SLC9A4: variants seen among roughly 807,000 people sequenced by gnomAD.
The protein encoded by SLC9A4 is sodium/hydrogen exchanger 4.
In SLC9A4, 63 loss-of-function variants were observed where a neutral mutation model predicts 67.4. The ratio of observed to expected loss-of-function variants is 0.93; its 90% CI spans 0.76 to 1.15. The LOEUF (loss-of-function observed/expected upper bound fraction) is 1.15. SLC9A4 is among the 50% of genes most tolerant of loss of function. SLC9A4 has a pLI of 0.00. For missense variants in SLC9A4, 1,089 were observed against 987.7 expected (o/e 1.10, Z -1.38); for synonymous variants, 393 against 367.2 (o/e 1.07, Z -0.80).
Position 102,533,762 on chromosome 2 carries a change from G to C in SLC9A4, c.*1074G>C, listed in dbSNP as rs1391055187. On this transcript the variant is annotated 3_prime_UTR_variant, in exon 12 of 12. Coordinates refer to ENST00000295269, the MANE Select transcript of SLC9A4 (RefSeq NM_001011552.4). ...TGCGGTGTTTGGTTTTTTGTTCTTG[G>C]GATAGTTTACTGAGAATGATGATTT... The C allele has an allele frequency of 1.3e-5, 2 of 148,788 alleles. No individual in the cohort carries two copies. Among genetic ancestry groups the C allele is most frequent in the Non-Finnish European group, 1.5e-5 (1 of 67,338 alleles). The allele number at this position is 148,788 out of a possible 1,614,324, so 9.2% of individuals were successfully genotyped here. A position where few individuals can be genotyped will look rare whatever the true frequency, so the allele number is the denominator to read the frequency against.
At chr2:102,520,148 C>T (rs927347117) in intron 9 of SLC9A4, among the ~76,000 whole-genome samples, 193 bp downstream of exon 9, 1 of 152,112 alleles carries the variant, frequency 6.6e-6, no homozygotes, top group African/African-American at 2.4e-5. Flanking sequence ...AAAATTGGTA[C>T]CTGTGACATA....
rs779516633 is a variant in SLC9A4 at position 102,508,261 on chromosome 2, T to C, written c.1381T>C (p.Tyr461His). Reference sequence around the variant, plus strand: ...TGTCACTGCTACTCTAGTAGTTATATACTTTACTGTATTTATTCAGGTAAG... The same window carrying C: ...TGTCACTGCTACTCTAGTAGTTATACACTTTACTGTATTTATTCAGGTAAG... ...MFVTATLVVI[Y>H]FTVFIQGITV... The change falls in exon 5 of 12, where the codon TAC becomes CAC. Residue 461 changes from tyrosine (Y) to histidine (H), a missense_variant. By Grantham distance (83) the Tyr-to-His change is moderately conservative. Transcript: ENST00000295269. 6.2e-7 allele frequency: 1 copy of C among 1,613,168 alleles called. No homozygotes were observed. Among genetic ancestry groups the C allele is most frequent in the Non-Finnish European group, 8.5e-7 (1 of 1,179,300 alleles).
chr2:102,532,379 C>T lies in SLC9A4; in HGVS notation c.2088C>T (p.Cys696=), dbSNP rs372861340. The T allele has an allele frequency of 1.9e-6, 3 of 1,614,166 alleles. No individual in the cohort carries two copies. The highest frequency in any genetic ancestry group is 1.7e-6 in the Non-Finnish European group (2 of 1,180,026). Residue 696 remains cysteine, a synonymous_variant, in exon 12 of 12, where the codon TGC becomes TGT. Coordinates refer to ENST00000295269, the MANE Select transcript of SLC9A4 (RefSeq NM_001011552.4). ...CCCCATCCATCACGTTCAGCGCATG[C>T]TCTCGGATAGGGTCACTTCAGAAGC... The part of the protein sequence containing the change: ...PGSPSITFSA[C]SRIGSLQKQE...
chr2:102,508,740 C>T (rs778345142), intron 5 of SLC9A4, 107 bp from the exon 6 acceptor site: 33 of 830,446 alleles, frequency 4.0e-5, no homozygotes, highest in Non-Finnish European at 5.3e-5. Context: ...ATAGCTAGTA[C>T]AAAAACATAT....
chr2:102,508,734 C>T, intron 5 of SLC9A4, 113 bp from the exon 6 acceptor site: 1 of 740,862 alleles, frequency 1.3e-6, no homozygotes, highest in Non-Finnish European at 2.2e-6. Context: ...TCTGTAATAG[C>T]TAGTACAAAA....
intron 11 of SLC9A4, among the ~76,000 whole-genome samples, chr2:102,527,179 G>A (rs1301504587): frequency 1.3e-5 from 2 of 152,084 alleles, no homozygotes; most frequent in African/African-American, 2.4e-5. Context: ...GCCAAGGTAT[G>A]ATCACCATAG....
Position 102,532,841 on chromosome 2 carries a change from C to A in SLC9A4, c.*153C>A. 1.2e-6 allele frequency: 1 copy of A among 831,648 alleles called. No homozygotes were observed. Among genetic ancestry groups the A allele is most frequent in the Non-Finnish European group, 1.8e-6 (1 of 552,058 alleles). 51.5% of individuals were successfully genotyped at this position (831,648 alleles called of 1,614,324 possible). Reference sequence around the variant, plus strand: ...CTATAAGCAGCAGGAAGATTTTTTCCAAGGACTGGGAGCAAACTTGCAGGC... The same window carrying A: ...CTATAAGCAGCAGGAAGATTTTTTCAAAGGACTGGGAGCAAACTTGCAGGC... On this transcript the variant is annotated 3_prime_UTR_variant, in exon 12 of 12. Coordinates refer to ENST00000295269, the MANE Select transcript of SLC9A4 (RefSeq NM_001011552.4).
chr2:102,525,950 C>A (rs971540986), intron 10 of SLC9A4, among the ~76,000 whole-genome samples: 1 of 152,136 alleles, frequency 6.6e-6, no homozygotes, highest in Non-Finnish European at 1.5e-5. Flanking sequence ...GTGAGTGGCG[C>A]GATCTCAGCT....
chr2:102,497,810 G>A (rs1317452065), intron 2 of SLC9A4, among the ~76,000 whole-genome samples: 1 of 152,062 alleles, frequency 6.6e-6, no homozygotes, highest in African/African-American at 2.4e-5. Context: ...TTTACCATAT[G>A]TAAGTCTTTC....
At chr2:102,485,172 A>T (rs914817387) in intron 2 of SLC9A4, among the ~76,000 whole-genome samples, 2 of 152,234 alleles carry the variant, frequency 1.3e-5, no homozygotes, top group African/African-American at 4.8e-5. Flanking sequence ...GTGACTTAGC[A>T]GATCGCCATG....
chr2:102,503,305 T>C, intron 2 of SLC9A4, 143 bp from the exon 3 acceptor site: 2 of 790,954 alleles, frequency 2.5e-6, no homozygotes, highest in South Asian at 3.9e-5. Flanking sequence ...GGAATACAGT[T>C]AAAAGGCAGT....
chr2:102,498,997 G>T (rs137867296), intron 2 of SLC9A4, among the ~76,000 whole-genome samples: 21 of 152,334 alleles, frequency 1.4e-4, no homozygotes, highest in Non-Finnish European at 2.1e-4. Flanking sequence ...CCCTCAGGTC[G>T]CAGTGCAGAG....
At position 102,474,621 on chromosome 2, in the gene SLC9A4, C is replaced by T. The variant is rs557946139; in HGVS notation, c.256+606C>T. Among the ~76,000 whole-genome samples, 297 of 152,274 alleles carry T rather than the reference C, an allele frequency of 2.0e-3. 2 individuals are homozygous for T. Among genetic ancestry groups the T allele is most frequent in the Middle Eastern group, 6.8e-3 (2 of 294 alleles). On this transcript the variant is annotated intron_variant, in intron 1 of 11. Transcript: ENST00000295269. Reference sequence around the variant, plus strand: ...GGGGCCAGTGAGGCACCTCTAATTTCCTTTGTGAAATAAAGTGAATCCAAG... The same window carrying T: ...GGGGCCAGTGAGGCACCTCTAATTTTCTTTGTGAAATAAAGTGAATCCAAG...
rs1320565109 is a variant in SLC9A4 at position 102,500,497 on chromosome 2, A to T, written c.721-2951A>T. Among the ~76,000 whole-genome samples, 3 of 152,086 alleles carry T rather than the reference A, an allele frequency of 2.0e-5. No homozygotes were observed. In the East Asian group the frequency reaches 5.8e-4, roughly 29 times the overall value. ...ATTGTAGAGGTGCTTGTGGACAAAA[A>T]ACTCATTAGCAGAGGGCCACTGTGC... On this transcript the variant is annotated intron_variant, in intron 2 of 11. Transcript: ENST00000295269.
At position 102,532,849 on chromosome 2, in the gene SLC9A4, G is replaced by C; in HGVS notation, c.*161G>C. 1.4e-6 allele frequency: 1 copy of C among 725,056 alleles called. No homozygotes were observed. Among genetic ancestry groups the C allele is most frequent in the Non-Finnish European group, 2.2e-6 (1 of 456,426 alleles). The allele number at this position is 725,056 out of a possible 1,614,324, so 44.9% of individuals were successfully genotyped here. The stretch of plus-strand genomic sequence containing the variant: ...AGCAGGAAGATTTTTTCCAAGGACT[G>C]GGAGCAAACTTGCAGGCTCTGCCAT... On this transcript the variant is annotated 3_prime_UTR_variant, in exon 12 of 12. Transcript: ENST00000295269.
chr2:102,515,560 G>C (rs770944573), intron 8 of SLC9A4, among the ~76,000 whole-genome samples: 30 of 151,632 alleles, frequency 2.0e-4, no homozygotes, highest in Non-Finnish European at 3.5e-4. Flanking sequence ...GAAAAGTGTT[G>C]ACAGATATAT....
At chr2:102,499,676 C>T (rs4851013) in intron 2 of SLC9A4, among the ~76,000 whole-genome samples, 107,784 of 152,118 alleles carry the variant, frequency 0.71, 38,916 homozygotes, top group Middle Eastern at 0.77. Flanking sequence ...GCTTCCTCTC[C>T]TCCCAGAAAA....
rs762379404 is a variant in SLC9A4 at position 102,479,195 on chromosome 2, G to T, written c.613G>T (p.Ala205Ser). The T allele has an allele frequency of 2.5e-6, 4 of 1,614,048 alleles. No homozygotes were observed. The African/African-American group carries it at 4.0e-5, about 16-fold the overall frequency. ...QNLLFGSLIS[A>S]VDPVAVLAVF... is the part of the protein sequence containing the mutation. ...CCTGCTGTTCGGCAGCCTGATCTCCGCCGTGGACCCAGTGGCCGTGCTAGC... is the reference window on the plus strand; with the variant it reads ...CCTGCTGTTCGGCAGCCTGATCTCCTCCGTGGACCCAGTGGCCGTGCTAGC... The change falls in exon 2 of 12, where the codon GCC (alanine) becomes TCC (serine). Residue 205 changes from alanine to serine, a missense_variant. Ala to Ser is a moderately conservative substitution (Grantham distance 99, BLOSUM62 1). Transcript: ENST00000295269.
chr2:102,501,085 A>T (rs1684920312), intron 2 of SLC9A4, among the ~76,000 whole-genome samples: 1 of 151,164 alleles, frequency 6.6e-6, no homozygotes, highest in African/African-American at 2.4e-5. Flanking sequence ...CAGTCTCCCG[A>T]GTAGCTGGGA....
Sources: allele counts gnomAD v4.1 joint callset (sites outside exome capture counted in the v4.1 genomes callset), GRCh38; gene constraint gnomAD v4.1.1; transcripts MANE v1.5; gene names NCBI Gene and HGNC (gene_info 2026-07-23, HGNC 2026-07-21).